The following USP32 variants were observed in gnomAD, a reference collection of about 807,000 sequenced individuals.
USP32 encodes ubiquitin specific peptidase 32, also known as ubiquitin carboxyl-terminal hydrolase 32.
In USP32, 59 loss-of-function variants were observed where a neutral mutation model predicts 204.8. The observed-to-expected ratio is 0.29, with a 90% CI of 0.23 to 0.36. The LOEUF (loss-of-function observed/expected upper bound fraction) is 0.36, where lower values mean the gene tolerates loss of function less well. Among genes scored for constraint, USP32 ranks in the 10% least tolerant of loss-of-function variants. The pLI is 1.00. For missense variants in USP32, 1,160 were observed against 1,946.4 expected, an observed-to-expected ratio of 0.60 and a Z score of 7.60; for synonymous variants, 517 against 678.4, an observed-to-expected ratio of 0.76 and a Z score of 3.70.
chr17:60,381,422 C>T (rs1208443650), intron 1 of USP32, among the ~76,000 whole-genome samples: 1 of 143,678 alleles, frequency 7.0e-6, no homozygotes, highest in Non-Finnish European at 1.5e-5. Context: ...GCTAGGGTGA[C>T]AGAGGGAGAC....
intron 1 of USP32, among the ~76,000 whole-genome samples, chr17:60,372,845 TAAAA>T (rs746725190): frequency 2.3e-5 from 2 of 88,384 alleles, no homozygotes; most frequent in African/African-American, 3.9e-5. Flanking sequence ...AGACCCTGTC[TAAAA>T]AAAAAAAAAA....
intron 1 of USP32, among the ~76,000 whole-genome samples, chr17:60,405,578 A>G (rs1477069369): frequency 6.6e-6 from 1 of 152,148 alleles, no homozygotes; most frequent in Non-Finnish European, 1.5e-5. Flanking sequence ...CATGGGCAAC[A>G]TATCAAAACC....
At chr17:60,384,218 A>G (rs2089691745) in intron 1 of USP32, among the ~76,000 whole-genome samples, 1 of 152,208 alleles carries the variant, frequency 6.6e-6, no homozygotes, top group Non-Finnish European at 1.5e-5. Flanking sequence ...TCTTGTTAGA[A>G]AGATCCTTTT....
chr17:60,224,298 A>G (rs2085329485), intron 13 of USP32, among the ~76,000 whole-genome samples: 1 of 152,194 alleles, frequency 6.6e-6, no homozygotes, highest in African/African-American at 2.4e-5. Flanking sequence ...ACCAAACAGG[A>G]TCTTTAGATG....
chr17:60,413,055 AAG>A (rs2090030640), intron 1 of USP32, among the ~76,000 whole-genome samples: 2 of 152,204 alleles, frequency 1.3e-5, no homozygotes, highest in Admixed American at 6.6e-5. Context: ...AGGAAAAAAA[AAG>A]TGAAATCCAA....
intron 2 of USP32, among the ~76,000 whole-genome samples, chr17:60,303,858 A>C (rs1335962935): frequency 2.0e-5 from 3 of 152,158 alleles, no homozygotes; most frequent in African/African-American, 7.2e-5. Flanking sequence ...AAAACGAAAC[A>C]AAAGGGGGAA....
chr17:60,256,205 C>A (rs2086299329), intron 9 of USP32, among the ~76,000 whole-genome samples: 1 of 151,746 alleles, frequency 6.6e-6, no homozygotes, highest in Non-Finnish European at 1.5e-5. Flanking sequence ...TAAAGAAAAT[C>A]CTCCAAATCA....
chr17:60,336,000 G>A (rs1011635827), intron 2 of USP32, among the ~76,000 whole-genome samples: 3 of 142,458 alleles, frequency 2.1e-5, no homozygotes, highest in Admixed American at 6.8e-5. Context: ...TGTTTTTATC[G>A]TCTACTACAC....
rs73320971 is a variant in USP32 at position 60,178,394 on chromosome 17, G to A, written c.*861C>T. 0.04 allele frequency among the ~76,000 whole-genome samples: 6,043 copies of A among 152,292 alleles called. 444 individuals carry two copies. The highest frequency in any genetic ancestry group is 0.14 in the African/African-American group (5,719 of 41,530). The stretch of plus-strand genomic sequence containing the variant: ...TGCAACAGGTGCATGTGAAGATGGT[G>A]CAAATATTGGCAACTGCTCCCCTTC... On this transcript the variant is annotated 3_prime_UTR_variant, in exon 34 of 34. Transcript: ENST00000300896.
At position 60,216,080 on chromosome 17, in the gene USP32, A is replaced by G. The variant is rs1202847287; in HGVS notation, c.1868-1306T>C. 3.4e-5 allele frequency among the ~76,000 whole-genome samples: 5 copies of G among 146,100 alleles called. No individual in the cohort carries two copies. In the East Asian group the frequency reaches 7.8e-4, roughly 23 times the overall value. On this transcript the variant is annotated intron_variant, in intron 16 of 33. Coordinates refer to ENST00000300896, the MANE Select transcript of USP32 (RefSeq NM_032582.4). ...CCAAATAAACAAGTGCCCAATAAGG[A>G]AAAAAAAAAAATCGTATTAGCCTGT...
intron 1 of USP32, among the ~76,000 whole-genome samples, chr17:60,366,134 C>CAT (rs895285511): frequency 6.6e-6 from 1 of 151,354 alleles, no homozygotes; most frequent in African/African-American, 2.4e-5. Flanking sequence ...TGTGACACCA[C>CAT]GCCGGGCTAA....
At chr17:60,332,273 G>A (rs9897885) in intron 2 of USP32, among the ~76,000 whole-genome samples, 32,269 of 151,740 alleles carry the variant, frequency 0.21, 8,508 homozygotes, top group African/African-American at 0.63. Flanking sequence ...AAAGTGTACA[G>A]TCAATCGGTT....
intron 2 of USP32, among the ~76,000 whole-genome samples, chr17:60,320,721 C>T (rs554631871): frequency 1.3e-5 from 2 of 152,204 alleles, no homozygotes; most frequent in African/African-American, 4.8e-5. Flanking sequence ...GTTATATAAA[C>T]CTATTTAGTA....
At chr17:60,193,914 C>T (rs766501052) in intron 27 of USP32, among the ~76,000 whole-genome samples, 10 of 152,158 alleles carry the variant, frequency 6.6e-5, no homozygotes, top group African/African-American at 9.7e-5. Context: ...AGAAAGATAA[C>T]GGGATAAAAC....
At chr17:60,285,706 T>C (rs1021036251) in intron 5 of USP32, among the ~76,000 whole-genome samples, 2 of 152,102 alleles carry the variant, frequency 1.3e-5, no homozygotes, top group African/African-American at 4.8e-5. Context: ...TTCAGAGGAA[T>C]GAGAGATAAT....
chr17:60,267,036 G>C (rs934626831), intron 7 of USP32, among the ~76,000 whole-genome samples: 5 of 151,684 alleles, frequency 3.3e-5, no homozygotes, highest in Admixed American at 2.0e-4. Flanking sequence ...TGATCCACCG[G>C]CCTTGGCCTC....
chr17:60,234,752 TG>T (rs1461997364), intron 12 of USP32, among the ~76,000 whole-genome samples: 139 of 149,934 alleles, frequency 9.3e-4, no homozygotes, highest in African/African-American at 3.3e-3. Context: ...AATTTTTTTT[TG>T]TTTTGTAGAG....
intron 31 of USP32, 22 bp downstream of exon 31, chr17:60,183,143 G>A (rs1426029889): frequency 6.3e-7 from 1 of 1,577,168 alleles, no homozygotes; most frequent in East Asian, 2.2e-5. Context: ...GAAAGCACCT[G>A]CATAAGGCCC....
chr17:60,311,522 T>C (rs1598229752), intron 2 of USP32, among the ~76,000 whole-genome samples: 1 of 151,792 alleles, frequency 6.6e-6, no homozygotes, highest in South Asian at 2.1e-4. Flanking sequence ...AGTTAAGAGG[T>C]CAAAAAAGGG....
Sources: allele counts gnomAD v4.1 joint callset (sites outside exome capture counted in the v4.1 genomes callset), GRCh38; gene constraint gnomAD v4.1.1; transcripts MANE v1.5; gene names NCBI Gene and HGNC (gene_info 2026-07-23, HGNC 2026-07-21).